EPC2: variants seen among roughly 807,000 people sequenced by gnomAD.
EPC2 encodes the protein enhancer of polycomb homolog 2.
EPC2 carries 14 observed loss-of-function variants against 92.1 expected under a neutral mutation model. That is an observed-to-expected ratio of 0.15 (90% CI 0.10 to 0.24). The LOEUF is 0.24. Ranked by LOEUF, EPC2 falls within the 10% of genes least tolerant of loss-of-function variation. The probability of loss-of-function intolerance (pLI) is 1.00; values close to 1 mark genes in which losing one functional copy is unlikely to be tolerated. For missense variants in EPC2, 755 were observed against 971.5 expected (o/e 0.78, Z 2.96); for synonymous variants, 340 against 334.7 (o/e 1.02, Z -0.17).
chr2:148,697,936 C>T (rs1681784492), intron 2 of EPC2, among the ~76,000 whole-genome samples: 1 of 152,014 alleles, frequency 6.6e-6, no homozygotes. Flanking sequence ...ATTTCTAAGC[C>T]TCCAACTAAG....
intron 1 of EPC2, among the ~76,000 whole-genome samples, chr2:148,658,603 GTGTGTATATATA>G (rs752272083): frequency 6.6e-4 from 12 of 18,162 alleles, no homozygotes; most frequent in African/African-American, 1.2e-3. Flanking sequence ...CTGTGTGTGT[GTGTGTATATATA>G]TATATATATA....
At chr2:148,676,537 CTTAA>C (rs996894801) in intron 1 of EPC2, among the ~76,000 whole-genome samples, 1 of 151,908 alleles carries the variant, frequency 6.6e-6, no homozygotes, top group Non-Finnish European at 1.5e-5. Context: ...ATAACAATCA[CTTAA>C]TTAGTTAGCA....
At chr2:148,666,781 G>T (rs897616970) in intron 1 of EPC2, among the ~76,000 whole-genome samples, 1 of 152,162 alleles carries the variant, frequency 6.6e-6, no homozygotes, top group Admixed American at 6.5e-5. Context: ...CAGAAATTCT[G>T]GTGGTTTGGC....
chr2:148,656,163 A>G (rs1324620009), intron 1 of EPC2, among the ~76,000 whole-genome samples: 3 of 152,150 alleles, frequency 2.0e-5, no homozygotes, highest in Non-Finnish European at 4.4e-5. Context: ...CTAGAGTTAC[A>G]AGGTCAGGCA....
intron 3 of EPC2, among the ~76,000 whole-genome samples, chr2:148,747,328 A>ACTTT (rs1489469411): frequency 1.3e-5 from 2 of 152,044 alleles, no homozygotes; most frequent in African/African-American, 4.8e-5. Context: ...CTGTAGAAGC[A>ACTTT]TAATCCTAAA....
At chr2:148,782,171 C>T (rs1001679439) in intron 11 of EPC2, among the ~76,000 whole-genome samples, 4 of 152,178 alleles carry the variant, frequency 2.6e-5, no homozygotes, top group Non-Finnish European at 5.9e-5. Context: ...ATGAGCTGGG[C>T]AGTAATTCAG....
intron 10 of EPC2, among the ~76,000 whole-genome samples, chr2:148,776,983 C>T (rs533557424): frequency 6.6e-6 from 1 of 151,142 alleles, no homozygotes; most frequent in African/African-American, 2.4e-5. Context: ...CATCAGCCTC[C>T]CAAGTAGCTG....
chr2:148,677,233 T>C (rs1271808625), intron 1 of EPC2, among the ~76,000 whole-genome samples: 2 of 152,212 alleles, frequency 1.3e-5, no homozygotes, highest in African/African-American at 4.8e-5. Flanking sequence ...ATGAGATTTA[T>C]TTTTAGAGCT....
intron 1 of EPC2, among the ~76,000 whole-genome samples, chr2:148,649,080 A>G (rs1324161234): frequency 6.6e-6 from 1 of 152,222 alleles, no homozygotes; most frequent in Admixed American, 6.5e-5. Flanking sequence ...TGAGTGTTGT[A>G]TAGTGGTAGT....
chr2:148,770,911 A>C lies in EPC2; in HGVS notation c.1350A>C (p.Ala450=). The change falls in exon 9 of 14, where the codon GCA becomes GCC. Residue 450 remains alanine (A), a synonymous_variant. Coordinates refer to ENST00000258484, the MANE Select transcript of EPC2 (RefSeq NM_015630.4). ...LTVPRRCIGF[A]RRRIGRGGRV... ...TCCCAAGAAGATGTATAGGATTTGC[A>C]AGGAGGCGAATTGGCAGAGGTGGAA... 6.2e-7 allele frequency: 1 copy of C among 1,612,944 alleles called. No homozygotes were observed. Among genetic ancestry groups the C allele is most frequent in the South Asian group, 1.1e-5 (1 of 90,610 alleles).
chr2:148,756,692 T>C (rs1399166280), intron 4 of EPC2, among the ~76,000 whole-genome samples: 1 of 152,234 alleles, frequency 6.6e-6, no homozygotes, highest in Non-Finnish European at 1.5e-5. Flanking sequence ...GCATTTAATA[T>C]ATTTAACCAC....
chr2:148,762,620 T>C, intron 5 of EPC2, 50 bp from the exon 6 acceptor site: 4 of 1,376,796 alleles, frequency 2.9e-6, no homozygotes, highest in Non-Finnish European at 3.9e-6. Context: ...TTTTCCTTCT[T>C]TATTGTCAAA....
At chr2:148,676,047 A>C (rs1681255135) in intron 1 of EPC2, among the ~76,000 whole-genome samples, 2 of 152,180 alleles carry the variant, frequency 1.3e-5, no homozygotes, top group South Asian at 2.1e-4. Flanking sequence ...TCCCCAAAAG[A>C]AAAACAACAA....
At chr2:148,726,753 G>GT (rs1682503554) in intron 2 of EPC2, among the ~76,000 whole-genome samples, 2 of 87,938 alleles carry the variant, frequency 2.3e-5, no homozygotes, top group Admixed American at 1.0e-4. Context: ...TTTTTTTTTT[G>GT]TTTTGTTTTT....
chr2:148,716,920 C>T lies in EPC2; in HGVS notation c.313+26547C>T, dbSNP rs1286428148. The stretch of plus-strand genomic sequence containing the variant: ...TTATTACTGCTTCAACTTTAGAACT[C>T]ATTATTGGTCTATTTAGGGATTCAG... On this transcript the variant is annotated intron_variant, in intron 2 of 13. Coordinates refer to ENST00000258484, the MANE Select transcript of EPC2 (RefSeq NM_015630.4). Among the ~76,000 whole-genome samples, 6 of 152,068 alleles carry T rather than the reference C, an allele frequency of 3.9e-5. No homozygotes were observed. The East Asian group carries it at 1.2e-3, about 29-fold the overall frequency.
chr2:148,740,897 A>G (rs963868227), intron 2 of EPC2, among the ~76,000 whole-genome samples: 1 of 152,170 alleles, frequency 6.6e-6, no homozygotes, highest in African/African-American at 2.4e-5. Flanking sequence ...ATGTGCATTT[A>G]CAAATACAAC....
At chr2:148,687,774 T>A (rs1485637070) in intron 1 of EPC2, among the ~76,000 whole-genome samples, 1 of 152,204 alleles carries the variant, frequency 6.6e-6, no homozygotes, top group Non-Finnish European at 1.5e-5. Flanking sequence ...CTTCCTCATA[T>A]TGTATTTCTT....
chr2:148,714,689 G>C (rs774634342), intron 2 of EPC2, among the ~76,000 whole-genome samples: 1 of 152,098 alleles, frequency 6.6e-6, no homozygotes, highest in East Asian at 1.9e-4. Context: ...TTTCATGTTT[G>C]TTGGCCACAT....
chr2:148,738,223 C>T (rs1041833430), intron 2 of EPC2, among the ~76,000 whole-genome samples: 2 of 152,196 alleles, frequency 1.3e-5, no homozygotes, highest in African/African-American at 4.8e-5. Flanking sequence ...CAGAAGCTAT[C>T]TCTGTGCTCA....
Sources: gnomAD v4.1 joint callset for allele counts (sites outside exome capture counted in the v4.1 genomes callset) on GRCh38, gnomAD v4.1.1 for gene constraint, MANE v1.5 for transcripts, NCBI Gene and HGNC (gene_info 2026-07-23, HGNC 2026-07-21) for gene names.